Variants in CEP295 observed in about 807,000 individuals in gnomAD.
The protein encoded by CEP295 is centrosomal protein 295.
A neutral mutation model predicts 291.6 loss-of-function variants in CEP295; 190 were observed. The ratio of observed to expected loss-of-function variants is 0.65; its 90% CI spans 0.58 to 0.73. The LOEUF (loss-of-function observed/expected upper bound fraction) is 0.73, where lower values mean the gene tolerates loss of function less well. Ranked by LOEUF, CEP295 falls within the 30% of genes least tolerant of loss-of-function variation. The pLI is 0.00. For missense variants in CEP295, 2,863 were observed against 2,949.4 expected, an observed-to-expected ratio of 0.97 and a Z score of 0.68; for synonymous variants, 993 against 1,038.8, an observed-to-expected ratio of 0.96 and a Z score of 0.85.
At chr11:93,682,563 G>C (rs1313319510) in intron 7 of CEP295, among the ~76,000 whole-genome samples, 1 of 151,188 alleles carries the variant, frequency 6.6e-6, no homozygotes, top group Non-Finnish European at 1.5e-5. Flanking sequence ...CTACGTTATA[G>C]TAGACTTAAT....
intron 17 of CEP295, among the ~76,000 whole-genome samples, chr11:93,706,204 A>G (rs949136532): frequency 2.0e-5 from 3 of 152,190 alleles, no homozygotes; most frequent in African/African-American, 7.2e-5. Context: ...TTCCTGCTGC[A>G]TGTATTCCTT....
intron 5 of CEP295, among the ~76,000 whole-genome samples, chr11:93,672,517 G>A (rs1453398656): frequency 6.6e-6 from 1 of 151,790 alleles, no homozygotes; most frequent in Non-Finnish European, 1.5e-5. Flanking sequence ...TGAACTCCCA[G>A]GCTAAAGCAA....
At position 93,695,495 on chromosome 11, in the gene CEP295, A is replaced by C. The variant is rs1326190039; in HGVS notation, c.1534-2A>C. On this transcript the variant is annotated splice_acceptor_variant, in intron 12 of 29. Coordinates refer to ENST00000325212, the MANE Select transcript of CEP295 (RefSeq NM_033395.2). LOFTEE classifies it high-confidence loss of function. Reference sequence around the variant, plus strand: ...ATAGATCAATAGTATTTTGTTACCTAGATAATGGAAATAGAAGAGCAGAAG... The same window carrying C: ...ATAGATCAATAGTATTTTGTTACCTCGATAATGGAAATAGAAGAGCAGAAG... 6.9e-7 allele frequency: 1 copy of C among 1,441,252 alleles called. No individual in the cohort carries two copies. The highest frequency in any genetic ancestry group is 2.8e-5 in the East Asian group (1 of 35,156). 89.3% of individuals were successfully genotyped at this position (1,441,252 alleles called of 1,614,324 possible).
Position 93,702,534 on chromosome 11 carries a change from A to T in CEP295, c.5349A>T (p.Thr1783=), listed in dbSNP as rs1286795622. The T allele has an allele frequency of 6.4e-7, 1 of 1,551,240 alleles. No homozygotes were observed. Among genetic ancestry groups the T allele is most frequent in the African/African-American group, 1.4e-5 (1 of 73,136 alleles). Residue 1783 remains threonine (T), a synonymous_variant, in exon 16 of 30, where the codon ACA becomes ACT. Coordinates refer to ENST00000325212, the MANE Select transcript of CEP295 (RefSeq NM_033395.2). ...AGCTCAGAGACTGGTTTCCTAATAC[A>T]CAAGACCTAGCAGGAAATGATCAAG... ...MGQLRDWFPN[T]QDLAGNDQEN...
chr11:93,726,873 T>A (rs1414904060), intron 23 of CEP295, 103 bp from the exon 24 acceptor site: 1 of 862,936 alleles, frequency 1.2e-6, no homozygotes, highest in African/African-American at 1.7e-5. Flanking sequence ...TGCCTAAAAT[T>A]GTAGGTTACT....
chr11:93,694,193 T>C (rs973413088), intron 12 of CEP295, among the ~76,000 whole-genome samples: 5 of 152,242 alleles, frequency 3.3e-5, no homozygotes, highest in Admixed American at 3.3e-4. Flanking sequence ...TGCTGCTCTT[T>C]ATATAAGAAA....
rs1485932819 is a variant in CEP295, at chr11:93,702,576, A to G, written c.5391A>G (p.Ala1797=). ...AGNDQENIRH[A]DRNNSDDNHL... ...ATGATCAAGAAAATATTAGGCATGC[A>G]GATAGGAACAACTCTGATGATAATC... The change falls in exon 16 of 30, where the codon GCA becomes GCG. Residue 1797 remains alanine (A), a synonymous_variant. Coordinates refer to ENST00000325212, the MANE Select transcript of CEP295 (RefSeq NM_033395.2). 3 of 1,551,198 alleles carry G rather than the reference A, an allele frequency of 1.9e-6. No individual in the cohort carries two copies. Among genetic ancestry groups the G allele is most frequent in the African/African-American group, 2.7e-5 (2 of 73,048 alleles).
rs765030947 is a variant in CEP295, at chr11:93,727,063, T to C, written c.6587T>C (p.Ile2196Thr). ...GCTGATCTACCAAGTATTTTTAGCA[T>C]TGAAGCAAGAGATTCTTCCCAAGGC... ...QHADLPSIFS[I>T]EARDSSQGMK... Residue 2196 changes from isoleucine to threonine, a missense_variant, in exon 24 of 30, where the codon ATT becomes ACT. This residue lies in a region of CEP295 where 2,295 missense variants were observed against 2,335.7 expected (regional missense o/e 0.98). Transcript: ENST00000325212. 1.7e-5 allele frequency: 27 copies of C among 1,551,682 alleles called. No individual in the cohort carries two copies. The East Asian group carries it at 3.7e-4, about 21-fold the overall frequency.
intron 5 of CEP295, among the ~76,000 whole-genome samples, chr11:93,673,041 T>C (rs753012631): frequency 2.6e-5 from 4 of 152,262 alleles, no homozygotes; most frequent in Non-Finnish European, 5.9e-5. Context: ...GGTTTATTTT[T>C]TCAAGGCATT....
At position 93,707,197 on chromosome 11, in the gene CEP295, A is replaced by G. The variant is rs541914626; in HGVS notation, c.5749+300A>G. ...TGTAACAATCCATATCTAATTAAATACTGTTAAATATTTTAAAAATTCTAT... is the reference window on the plus strand; with the variant it reads ...TGTAACAATCCATATCTAATTAAATGCTGTTAAATATTTTAAAAATTCTAT... On this transcript the variant is annotated intron_variant, in intron 18 of 29. Coordinates refer to ENST00000325212, the MANE Select transcript of CEP295 (RefSeq NM_033395.2). Among the ~76,000 whole-genome samples, 4 of 152,310 alleles carry G rather than the reference A, an allele frequency of 2.6e-5. No homozygotes were observed. The South Asian group carries it at 6.2e-4, about 24-fold the overall frequency.
intron 6 of CEP295, among the ~76,000 whole-genome samples, chr11:93,676,169 T>A (rs1950678286): frequency 6.6e-6 from 1 of 152,050 alleles, no homozygotes; most frequent in African/African-American, 2.4e-5. Flanking sequence ...AAGCATTATC[T>A]TGCACGTTTT....
rs72643380 is a variant in CEP295, at chr11:93,698,765, C to A, written c.3853C>A (p.Gln1285Lys). The change falls in exon 15 of 30, where the codon CAA becomes AAA. Residue 1285 changes from glutamine to lysine, a missense_variant. Gln to Lys is a moderately conservative substitution (Grantham distance 53). Around this residue, in one of 3 missense-constraint regions of CEP295, gnomAD observed 2,295 missense variants for 2,335.7 expected, o/e 0.98. Transcript: ENST00000325212. ...QKTQENTSSE[Q>K]TGSSSFIPQL... ...AACCCAAGAAAATACATCTTCTGAA[C>A]AAACTGGTTCATCTTCATTCATACC... is the stretch of plus-strand genomic sequence containing the variant. 0.016 allele frequency: 25,436 copies of A among 1,551,670 alleles called. 1,303 individuals are homozygous for A. The East Asian group carries it at 0.21, about 13-fold the overall frequency.
chr11:93,668,988 A>G, intron 4 of CEP295, 56 bp downstream of exon 4: 7 of 791,816 alleles, frequency 8.8e-6, no homozygotes, highest in Non-Finnish European at 1.4e-5. Flanking sequence ...TTGAAAGTAG[A>G]GGATACATAG....
rs138180375 is a variant in CEP295, at chr11:93,729,072, A to G, written c.7302+251A>G. 1.6e-5 allele frequency: 8 copies of G among 506,788 alleles called. No homozygotes were observed. The East Asian group carries it at 1.9e-4, about 12-fold the overall frequency. 31.4% of individuals were successfully genotyped at this position (506,788 alleles called of 1,614,324 possible). A position where few individuals can be genotyped will look rare whatever the true frequency, so the allele number is the denominator to read the frequency against. ...GAACTAATCTTATACACCTAGTGTTATAGTGCCAAGTTGGAAGTTTTACCT... is the reference window on the plus strand; with the variant it reads ...GAACTAATCTTATACACCTAGTGTTGTAGTGCCAAGTTGGAAGTTTTACCT... On this transcript the variant is annotated intron_variant, in intron 25 of 29. Transcript: ENST00000325212.
chr11:93,684,270 A>G (rs942858542), intron 9 of CEP295, 142 bp downstream of exon 9: 10 of 620,010 alleles, frequency 1.6e-5, no homozygotes, highest in South Asian at 7.8e-5. Context: ...AAAGGATACA[A>G]CGTTTTTATA....
chr11:93,683,914 A>AT, intron 8 of CEP295, 50 bp from the exon 9 acceptor site: 4 of 1,518,420 alleles, frequency 2.6e-6, no homozygotes, highest in Non-Finnish European at 3.5e-6. Context: ...TGATCCAGTT[A>AT]TTTTTAATCA....
At position 93,687,708 on chromosome 11, in the gene CEP295, G is replaced by T. The variant is rs1261358714; in HGVS notation, c.1179G>T (p.Lys393Asn). ...TTCTTTTTAAAAAATTATTAAATAA[G>T]ATCCGAAGCCAAAAATCTCTCTGGA... ...SKVLFKKLLN[K>N]IRSQKSLWTI... Residue 393 changes from lysine (K) to asparagine (N), a missense_variant, in exon 10 of 30, where the codon AAG becomes AAT. Lys to Asn is a moderately conservative substitution (Grantham distance 94). Coordinates refer to ENST00000325212, the MANE Select transcript of CEP295 (RefSeq NM_033395.2). 1 of 1,547,376 alleles carries T rather than the reference G, an allele frequency of 6.5e-7. No individual in the cohort carries two copies. The highest frequency in any genetic ancestry group is 8.7e-7 in the Non-Finnish European group (1 of 1,143,756).
At chr11:93,680,067 G>A (rs377733506) in intron 7 of CEP295, among the ~76,000 whole-genome samples, 4 of 152,052 alleles carry the variant, frequency 2.6e-5, no homozygotes, top group East Asian at 1.9e-4. Flanking sequence ...GCATAGGCCC[G>A]GGAGTTTAAG....
chr11:93,665,208 T>C (rs1262896475), intron 1 of CEP295, among the ~76,000 whole-genome samples: 1 of 152,228 alleles, frequency 6.6e-6, no homozygotes, highest in East Asian at 1.9e-4. Context: ...GATAAAATGC[T>C]CATGTACTCA....
Sources: gnomAD v4.1 joint callset for allele counts (sites outside exome capture counted in the v4.1 genomes callset) on GRCh38, gnomAD v4.1.1 for gene constraint, gnomAD v4.1.1 regional missense constraint, MANE v1.5 for transcripts, NCBI Gene and HGNC (gene_info 2026-07-23, HGNC 2026-07-21) for gene names.